CADPS2: variants seen among roughly 807,000 people sequenced by gnomAD.
CADPS2 encodes calcium-dependent secretion activator 2.
Under a neutral mutation model 172.5 loss-of-function variants are expected in CADPS2, and 93 were observed. That is an observed-to-expected ratio of 0.54 (90% CI 0.46 to 0.64). The LOEUF (loss-of-function observed/expected upper bound fraction) is 0.64, where lower values mean the gene tolerates loss of function less well. Among genes scored for constraint, CADPS2 ranks in the 30% least tolerant of loss-of-function variants. The pLI is 0.00. For missense variants in CADPS2, 1,420 were observed against 1,565.9 expected, an observed-to-expected ratio of 0.91 and a Z score of 1.57; for synonymous variants, 546 against 555.2, an observed-to-expected ratio of 0.98 and a Z score of 0.23.
intron 6 of CADPS2, among the ~76,000 whole-genome samples, chr7:122,605,046 T>C (rs373733220): frequency 1.1e-4 from 16 of 152,254 alleles, no homozygotes; most frequent in Non-Finnish European, 2.1e-4. Context: ...CTAAATACTG[T>C]AGACAACTGT....
At chr7:122,380,749 G>A (rs565706327) in intron 24 of CADPS2, among the ~76,000 whole-genome samples, 8 of 152,072 alleles carry the variant, frequency 5.3e-5, no homozygotes, top group Non-Finnish European at 1.2e-4. Context: ...TGATGTGAAT[G>A]TGGAATTTTC....
intron 9 of CADPS2, among the ~76,000 whole-genome samples, chr7:122,503,062 C>T (rs1244897489): frequency 1.4e-5 from 2 of 144,564 alleles, no homozygotes; most frequent in East Asian, 2.0e-4. Context: ...GACGGGGTCT[C>T]GCTCTGTCGC....
intron 11 of CADPS2, 106 bp from the exon 12 acceptor site, chr7:122,480,966 A>G: frequency 3.2e-6 from 3 of 949,914 alleles, no homozygotes; most frequent in Middle Eastern, 2.5e-4. Context: ...ATTTCTACTC[A>G]TGATTTTAAA....
rs778631867 is a variant in CADPS2 at position 122,886,134 on chromosome 7, T to C, written c.204A>G (p.Arg68=). 6.4e-7 allele frequency: 1 copy of C among 1,554,116 alleles called. No individual in the cohort carries two copies. The highest frequency in any genetic ancestry group is 1.2e-5 in the South Asian group (1 of 84,316). The change falls in exon 1 of 30, where the codon CGA becomes CGG. Residue 68 remains arginine, a synonymous_variant. Coordinates refer to ENST00000449022, the MANE Select transcript of CADPS2 (RefSeq NM_017954.11). ...CGTCCAGCTGCCGCTGGGGCTCGTC[T>C]CGCCCCTCGCTGAGCACAGAGGGGC... ...SPSPSVLSEG[R]DEPQRQLDDE...
chr7:122,734,473 C>T (rs1339969294), intron 2 of CADPS2, among the ~76,000 whole-genome samples: 3 of 145,720 alleles, frequency 2.1e-5, no homozygotes, highest in Non-Finnish European at 4.5e-5. Context: ...CCTCTATGAG[C>T]TTCAATTTCT....
intron 1 of CADPS2, among the ~76,000 whole-genome samples, chr7:122,796,987 C>G (rs567079855): frequency 1.3e-4 from 19 of 151,558 alleles, no homozygotes; most frequent in African/African-American, 4.6e-4. Context: ...TAACATCCAG[C>G]GTCTATAAAG....
chr7:122,466,762 C>T (rs886519398), intron 14 of CADPS2, among the ~76,000 whole-genome samples: 2 of 152,142 alleles, frequency 1.3e-5, no homozygotes, highest in East Asian at 1.9e-4. Context: ...AATGTTATTA[C>T]TCACAAGGTA....
chr7:122,752,942 C>G (rs1234148274), intron 1 of CADPS2, among the ~76,000 whole-genome samples: 3 of 152,064 alleles, frequency 2.0e-5, no homozygotes, highest in African/African-American at 7.2e-5. Context: ...AGGAAGGAAA[C>G]AAGAAGAAGA....
Position 122,737,052 on chromosome 7 carries a change from A to C in CADPS2, c.356T>G (p.Leu119Trp). The C allele has an allele frequency of 6.3e-7, 1 of 1,599,054 alleles. No individual in the cohort carries two copies. Among genetic ancestry groups the C allele is most frequent in the South Asian group, 1.1e-5 (1 of 90,464 alleles). Residue 119 changes from leucine to tryptophan, a missense_variant, in exon 2 of 30, where the codon TTG (leucine) becomes TGG (tryptophan). Leu to Trp is a moderately conservative substitution (Grantham distance 61, BLOSUM62 -2). Transcript: ENST00000449022. ...RRQQKLNKQQ[L>W]QLLKERFQAF... ...CTGGAACCGTTCTTTCAGTAACTGCAACTGTTGTTTGTTAAGCTACAAGAA... is the reference window on the plus strand; with the variant it reads ...CTGGAACCGTTCTTTCAGTAACTGCCACTGTTGTTTGTTAAGCTACAAGAA...
intron 1 of CADPS2, among the ~76,000 whole-genome samples, chr7:122,832,928 C>G (rs977041710): frequency 1.3e-5 from 2 of 152,190 alleles, no homozygotes; most frequent in African/African-American, 2.4e-5. Flanking sequence ...TTTCTCTTCA[C>G]TTTTGTTTCC....
chr7:122,574,821 A>T (rs1318526545), intron 7 of CADPS2, among the ~76,000 whole-genome samples: 1 of 152,188 alleles, frequency 6.6e-6, no homozygotes, highest in Non-Finnish European at 1.5e-5. Context: ...TTTAGCTAAA[A>T]CACTGAGTGA....
intron 29 of CADPS2, among the ~76,000 whole-genome samples, chr7:122,320,770 G>A (rs2032268245): frequency 6.6e-6 from 1 of 152,090 alleles, no homozygotes; most frequent in African/African-American, 2.4e-5. Context: ...GGGGTCAGTT[G>A]TGTGGAGGAA....
intron 1 of CADPS2, among the ~76,000 whole-genome samples, chr7:122,795,455 T>A (rs1589247146): frequency 1.3e-5 from 2 of 151,698 alleles, no homozygotes; most frequent in Admixed American, 6.6e-5. Context: ...TAAAATTGAA[T>A]CCTTAATGAA....
chr7:122,628,113 C>A (rs1285386822), intron 4 of CADPS2, among the ~76,000 whole-genome samples: 3 of 152,114 alleles, frequency 2.0e-5, no homozygotes, highest in African/African-American at 4.8e-5. Context: ...TTGGTTCTTA[C>A]AACTTACTGT....
chr7:122,520,273 G>T (rs534333756), intron 8 of CADPS2, among the ~76,000 whole-genome samples: 1 of 151,880 alleles, frequency 6.6e-6, no homozygotes, highest in African/African-American at 2.4e-5. Context: ...AAGCATTAAC[G>T]CTGCAATGCT....
Position 122,360,948 on chromosome 7 carries a change from T to G in CADPS2, c.3453A>C (p.Ser1151=), listed in dbSNP as rs374203344. 1 of 1,613,562 alleles carries G rather than the reference T, an allele frequency of 6.2e-7. No individual in the cohort carries two copies. Among genetic ancestry groups the G allele is most frequent in the African/African-American group, 1.3e-5 (1 of 74,896 alleles). ...TACTTACAGTGAATGACAGAATGGA[T>G]GAAAAGAAAGTGCCTTCATCATACC... The part of the protein sequence containing the change: ...LSRYDEGTFF[S]SILSFTVKAA... The change falls in exon 26 of 30, where the codon TCA becomes TCC. Residue 1151 remains serine, a synonymous_variant. Coordinates refer to ENST00000449022, the MANE Select transcript of CADPS2 (RefSeq NM_017954.11).
intron 1 of CADPS2, among the ~76,000 whole-genome samples, chr7:122,763,770 G>T (rs901105197): frequency 6.6e-6 from 1 of 152,136 alleles, no homozygotes; most frequent in Non-Finnish European, 1.5e-5. Flanking sequence ...AGACAGACAT[G>T]AAATGTTTTC....
At chr7:122,803,413 A>G (rs1798063994) in intron 1 of CADPS2, among the ~76,000 whole-genome samples, 1 of 152,214 alleles carries the variant, frequency 6.6e-6, no homozygotes, top group Non-Finnish European at 1.5e-5. Flanking sequence ...GAAGAACAGA[A>G]GAGAGAATGT....
chr7:122,448,338 C>T (rs558156641), intron 15 of CADPS2, among the ~76,000 whole-genome samples: 2 of 152,102 alleles, frequency 1.3e-5, no homozygotes, highest in Admixed American at 6.6e-5. Context: ...ATGGGGGAAA[C>T]CTCCCCTACC....
Sources: allele counts gnomAD v4.1 joint callset (sites outside exome capture counted in the v4.1 genomes callset), GRCh38; gene constraint gnomAD v4.1.1; transcripts MANE v1.5; gene names NCBI Gene and HGNC (gene_info 2026-07-23, HGNC 2026-07-21).